The following KLHL2 variants were observed in gnomAD, a reference collection of about 807,000 sequenced individuals.
The protein encoded by KLHL2 is kelch-like protein 2.
In KLHL2, 15 loss-of-function variants were observed where a neutral mutation model predicts 75.8. The ratio of observed to expected loss-of-function variants is 0.20; its 90% CI spans 0.13 to 0.30. The LOEUF is 0.30. Ranked by LOEUF, KLHL2 falls within the 10% of genes least tolerant of loss-of-function variation. KLHL2 has a pLI of 1.00. For missense variants in KLHL2, 381 were observed against 741.0 expected (o/e 0.51, Z 5.64); for synonymous variants, 214 against 251.9 (o/e 0.85, Z 1.42).
intron 6 of KLHL2, 42 bp downstream of exon 6, chr4:165,294,510 C>CTTTTT: frequency 2.4e-6 from 2 of 837,668 alleles, no homozygotes; most frequent in Non-Finnish European, 1.8e-6. Flanking sequence ...TGATGTTTCC[C>CTTTTT]TTTTTTTTTT....
intron 7 of KLHL2, 44 bp downstream of exon 7, chr4:165,297,769 C>G: frequency 1.8e-6 from 2 of 1,133,956 alleles, no homozygotes; most frequent in Non-Finnish European, 2.7e-6. Context: ...AGCACTGTGT[C>G]ACTGGCCTGA....
At chr4:165,298,341 T>C (rs542222311) in intron 7 of KLHL2, among the ~76,000 whole-genome samples, 1 of 152,206 alleles carries the variant, frequency 6.6e-6, no homozygotes, top group Non-Finnish European at 1.5e-5. Context: ...CTGACCCAAA[T>C]ACCGTTTAAT....
chr4:165,228,743 A>G, intron 2 of KLHL2, 64 bp from the exon 3 acceptor site: 1 of 940,118 alleles, frequency 1.1e-6, no homozygotes, highest in Non-Finnish European at 1.7e-6. Flanking sequence ...ATATTTTTGC[A>G]TAGGATGTTC....
At chr4:165,253,561 T>C (rs1308794042) in intron 4 of KLHL2, among the ~76,000 whole-genome samples, 1 of 152,236 alleles carries the variant, frequency 6.6e-6, no homozygotes, top group East Asian at 1.9e-4. Context: ...TAGTGGGATA[T>C]AATTTACATA....
At chr4:165,284,884 A>G (rs184228463) in intron 5 of KLHL2, among the ~76,000 whole-genome samples, 179 of 152,312 alleles carry the variant, frequency 1.2e-3, no homozygotes, top group African/African-American at 3.8e-3. Flanking sequence ...CACATCCTAC[A>G]TGGATGGCAG....
At chr4:165,286,418 A>G (rs1186480594) in intron 5 of KLHL2, among the ~76,000 whole-genome samples, 2 of 152,198 alleles carry the variant, frequency 1.3e-5, no homozygotes, top group Non-Finnish European at 2.9e-5. Context: ...GGACAGTAAT[A>G]TACATTAGAT....
rs548626784 is a variant in KLHL2, at chr4:165,312,479, C to T, written c.1340-759C>T. 3.3e-5 allele frequency among the ~76,000 whole-genome samples: 5 copies of T among 151,918 alleles called. No homozygotes were observed. In the East Asian group the frequency reaches 5.8e-4, roughly 18 times the overall value. ...TTGCAGGTTTCCACCCCCTCCTCAT[C>T]GTAGGTGTAATCTGTGCACTTAGAA... is the stretch of plus-strand genomic sequence containing the variant. On this transcript the variant is annotated intron_variant, in intron 11 of 14. Coordinates refer to ENST00000226725, the MANE Select transcript of KLHL2 (RefSeq NM_007246.4).
intron 2 of KLHL2, among the ~76,000 whole-genome samples, chr4:165,224,638 T>C (rs1241153123): frequency 6.6e-6 from 1 of 152,246 alleles, no homozygotes; most frequent in Non-Finnish European, 1.5e-5. Context: ...TTTGTGGCTG[T>C]TGAATTTTGG....
chr4:165,319,069 T>C lies in KLHL2; in HGVS notation c.1753+1100T>C, dbSNP rs1746785295. ...ATGTGAACAAACCACAAAGATACAA[T>C]ATTAAATCATAACTGCATGAAATTA... On this transcript the variant is annotated intron_variant, in intron 14 of 14. Transcript: ENST00000226725. The surrounding 1 kb of genome is among the most constrained non-coding windows in gnomAD (Gnocchi z 4.5). Among the ~76,000 whole-genome samples the C allele has an allele frequency of 6.6e-6, 1 of 152,110 alleles. No homozygotes were observed. The highest frequency in any genetic ancestry group is 2.1e-4 in the South Asian group (1 of 4,824).
Position 165,269,522 on chromosome 4 carries a change from C to T in KLHL2, c.544+6163C>T, listed in dbSNP as rs571868083. ...AAGGCAGGCCTGGTGGTGACAAATT[C>T]TCTCGGCATTTGCTTGTCTGTAAAG... On this transcript the variant is annotated intron_variant, in intron 5 of 14. Transcript: ENST00000226725. Among the ~76,000 whole-genome samples the T allele has an allele frequency of 2.0e-3, 308 of 152,116 alleles. 1 individual carries two copies. Among genetic ancestry groups the T allele is most frequent in the African/African-American group, 7.1e-3 (294 of 41,518 alleles).
chr4:165,253,739 T>C (rs1740930326), intron 4 of KLHL2, among the ~76,000 whole-genome samples: 1 of 152,240 alleles, frequency 6.6e-6, no homozygotes, highest in African/African-American at 2.4e-5. Context: ...AATAGGTTAG[T>C]TTTCCCTGTT....
At chr4:165,214,343 A>G (rs2110952504) in intron 1 of KLHL2, among the ~76,000 whole-genome samples, 1 of 152,304 alleles carries the variant, frequency 6.6e-6, no homozygotes, top group East Asian at 1.9e-4. Flanking sequence ...CACTCTGACA[A>G]TGCTTTGTTA....
intron 1 of KLHL2, among the ~76,000 whole-genome samples, chr4:165,211,215 T>C (rs1182742068): frequency 6.6e-6 from 1 of 152,248 alleles, no homozygotes; most frequent in Non-Finnish European, 1.5e-5. Context: ...GCTAAGTTTT[T>C]TGTTTTGCTA....
chr4:165,294,292 T>A (rs1744742816), intron 5 of KLHL2, 67 bp from the exon 6 acceptor site: 2 of 898,082 alleles, frequency 2.2e-6, no homozygotes, highest in South Asian at 1.5e-5. Flanking sequence ...AAACCTTTTT[T>A]AAGCAGTTTG....
At chr4:165,285,468 G>A (rs1179268469) in intron 5 of KLHL2, among the ~76,000 whole-genome samples, 2 of 152,142 alleles carry the variant, frequency 1.3e-5, no homozygotes, top group African/African-American at 4.8e-5. Flanking sequence ...GTGCAGTGGT[G>A]CAATCTAGGC....
intron 4 of KLHL2, among the ~76,000 whole-genome samples, chr4:165,255,688 G>C (rs181378082): frequency 4.3e-4 from 66 of 152,186 alleles, no homozygotes; most frequent in African/African-American, 1.5e-3. Context: ...TCTCCACCCA[G>C]ATCTGCCTTT....
At chr4:165,218,335 C>T (rs191184482) in intron 1 of KLHL2, among the ~76,000 whole-genome samples, 1 of 152,300 alleles carries the variant, frequency 6.6e-6, no homozygotes, top group East Asian at 1.9e-4. Context: ...CAGCCCCAGC[C>T]TTTTGCCAAA....
At position 165,299,736 on chromosome 4, in the gene KLHL2, A is replaced by G. The variant is rs535974850; in HGVS notation, c.921+80A>G. The G allele has an allele frequency of 3.2e-6, 4 of 1,244,350 alleles. No individual in the cohort carries two copies. In the East Asian group the frequency reaches 9.9e-5, roughly 31 times the overall value. 77.1% of individuals were successfully genotyped at this position (1,244,350 alleles called of 1,614,324 possible). ...AGCTGTTAGTATTTTGCTCATTTGA[A>G]TTTCCGTGATTTATTGTTTTAGTTT... On this transcript the variant is annotated intron_variant, in intron 8 of 14. Coordinates refer to ENST00000226725, the MANE Select transcript of KLHL2 (RefSeq NM_007246.4).
rs1447167194 is a variant in KLHL2, at chr4:165,299,622, G to A, written c.887G>A (p.Arg296Gln). ...CAGCGTATATTAATGAAGAGTGTCCGGACCCGGCTGAGGACACCCATGAAC... is the reference window on the plus strand; with the variant it reads ...CAGCGTATATTAATGAAGAGTGTCCAGACCCGGCTGAGGACACCCATGAAC... The part of the protein sequence containing the change: ...TEQRILMKSV[R>Q]TRLRTPMNLP... Residue 296 changes from arginine to glutamine, a missense_variant, in exon 8 of 15, where the codon CGG becomes CAG. Transcript: ENST00000226725. 4 of 1,612,610 alleles carry A rather than the reference G, an allele frequency of 2.5e-6. No individual in the cohort carries two copies. Among genetic ancestry groups the A allele is most frequent in the African/African-American group, 1.3e-5 (1 of 74,846 alleles).
Sources: allele counts gnomAD v4.1 joint callset (sites outside exome capture counted in the v4.1 genomes callset), GRCh38; gene constraint gnomAD v4.1.1; non-coding constraint Gnocchi (gnomAD v3.1); transcripts MANE v1.5; gene names NCBI Gene and HGNC (gene_info 2026-07-23, HGNC 2026-07-21).